The following ILRUN variants were observed in gnomAD, a reference collection of about 807,000 sequenced individuals.
The protein encoded by ILRUN is protein ILRUN.
In ILRUN, 3 loss-of-function variants were observed where a neutral mutation model predicts 33.8. The observed-to-expected ratio is 0.09, with a 90% CI of 0.04 to 0.23. The LOEUF (loss-of-function observed/expected upper bound fraction) is 0.23, where lower values mean the gene tolerates loss of function less well. Among genes scored for constraint, ILRUN ranks in the 10% least tolerant of loss-of-function variants. The pLI, the probability that ILRUN is intolerant of heterozygous loss-of-function variation, is 1.00. For synonymous variants in ILRUN, 124 were observed against 138.9 expected, an observed-to-expected ratio of 0.89 and a Z score of 0.75; for missense variants, 210 against 375.1, an observed-to-expected ratio of 0.56 and a Z score of 3.64.
intron 4 of ILRUN, among the ~76,000 whole-genome samples, chr6:34,599,687 C>A (rs1761469444): frequency 6.6e-6 from 1 of 152,200 alleles, no homozygotes. Context: ...TGACATAACT[C>A]TCAAATTTAT....
intron 1 of ILRUN, among the ~76,000 whole-genome samples, chr6:34,665,216 G>C (rs1762969216): frequency 6.7e-6 from 1 of 148,852 alleles, no homozygotes; most frequent in African/African-American, 2.5e-5. Context: ...AGCACTCTGG[G>C]AGGCTGAGAC....
chr6:34,686,842 G>A (rs1363610314), intron 1 of ILRUN: 1 of 7,016 alleles, frequency 1.4e-4, no homozygotes, highest in Non-Finnish European at 2.5e-4. Flanking sequence ...TGTAGTCCCA[G>A]CTACTCGGGA....
intron 1 of ILRUN, among the ~76,000 whole-genome samples, chr6:34,679,275 C>T (rs748011265): frequency 4.6e-5 from 7 of 151,836 alleles, no homozygotes; most frequent in African/African-American, 7.3e-5. Context: ...TCACTTGTTA[C>T]GGTAATGGCA....
intron 1 of ILRUN, among the ~76,000 whole-genome samples, chr6:34,679,112 C>T (rs1763303155): frequency 6.8e-6 from 1 of 146,488 alleles, no homozygotes; most frequent in Admixed American, 6.9e-5. Context: ...AACAAACCTG[C>T]ACGTGTACCT....
intron 4 of ILRUN, among the ~76,000 whole-genome samples, chr6:34,605,651 AAAAT>A (rs1434931602): frequency 1.3e-5 from 2 of 152,194 alleles, no homozygotes; most frequent in Non-Finnish European, 1.5e-5. Flanking sequence ...AAGTAAAAAT[AAAAT>A]AAAACTACTG....
chr6:34,634,596 T>C (rs1762316881), intron 3 of ILRUN, among the ~76,000 whole-genome samples: 1 of 151,598 alleles, frequency 6.6e-6, no homozygotes, highest in African/African-American at 2.4e-5. Flanking sequence ...ACACAAAATA[T>C]CAAGAATGAA....
intron 3 of ILRUN, among the ~76,000 whole-genome samples, chr6:34,613,825 C>G (rs1427487932): frequency 6.6e-6 from 1 of 152,184 alleles, no homozygotes; most frequent in Non-Finnish European, 1.5e-5. Context: ...ATTTATGACA[C>G]CCCAGTAGCA....
intron 4 of ILRUN, among the ~76,000 whole-genome samples, chr6:34,591,698 C>A (rs1201888283): frequency 6.6e-6 from 1 of 152,084 alleles, no homozygotes; most frequent in Non-Finnish European, 1.5e-5. Context: ...ATCATGTTAG[C>A]CAGGATGGTC....
chr6:34,657,020 T>C, intron 1 of ILRUN, among the ~76,000 whole-genome samples: 1 of 152,214 alleles, frequency 6.6e-6, no homozygotes, highest in Non-Finnish European at 1.5e-5. Flanking sequence ...CTGGTCAAAC[T>C]TGGGGAAATC....
chr6:34,593,529 C>T (rs1744809367), intron 4 of ILRUN, among the ~76,000 whole-genome samples: 1 of 152,228 alleles, frequency 6.6e-6, no homozygotes, highest in African/African-American at 2.4e-5. Context: ...CCCTGGCCTT[C>T]AGACCATTCA....
intron 3 of ILRUN, among the ~76,000 whole-genome samples, chr6:34,626,927 C>T (rs895121545): frequency 6.6e-6 from 1 of 152,044 alleles, no homozygotes; most frequent in African/African-American, 2.4e-5. Context: ...ATTGCTTGAA[C>T]CTGGGAGGCA....
At position 34,589,866 on chromosome 6, in the gene ILRUN, A is replaced by T. The variant is rs558560523; in HGVS notation, c.*699T>A. On this transcript the variant is annotated 3_prime_UTR_variant, in exon 5 of 5. Transcript: ENST00000374023. Reference sequence around the variant, plus strand: ...CCACACAGGGAAGTTTGGTCTTCAGAGAGGTTCTGATGCTAACAAGCCACA... The same window carrying T: ...CCACACAGGGAAGTTTGGTCTTCAGTGAGGTTCTGATGCTAACAAGCCACA... 25 of 152,276 alleles carry T rather than the reference A, an allele frequency of 1.6e-4. No individual in the cohort carries two copies. The highest frequency in any genetic ancestry group is 5.8e-4 in the African/African-American group (24 of 41,558). 9.4% of individuals were successfully genotyped at this position (152,276 alleles called of 1,614,324 possible). A position where few individuals can be genotyped will look rare whatever the true frequency, so the allele number is the denominator to read the frequency against.
At chr6:34,664,864 A>G (rs1273744948) in intron 1 of ILRUN, among the ~76,000 whole-genome samples, 3 of 152,242 alleles carry the variant, frequency 2.0e-5, no homozygotes, top group Non-Finnish European at 4.4e-5. Context: ...ATGCCTTTCA[A>G]AAGTTTGTTA....
chr6:34,691,522 C>T (rs893788013), intron 1 of ILRUN, among the ~76,000 whole-genome samples: 3 of 152,168 alleles, frequency 2.0e-5, no homozygotes, highest in Non-Finnish European at 2.9e-5. Flanking sequence ...AGGCCAGGTG[C>T]GGTGGCCCAC....
At chr6:34,598,366 A>C (rs1206949112) in intron 4 of ILRUN, among the ~76,000 whole-genome samples, 1 of 152,238 alleles carries the variant, frequency 6.6e-6, no homozygotes, top group Non-Finnish European at 1.5e-5. Flanking sequence ...CAATTAAAGC[A>C]GACTTAGCTG....
At chr6:34,595,652 A>T in intron 4 of ILRUN, 1 of 583,592 alleles carries the variant, frequency 1.7e-6, no homozygotes, top group Non-Finnish European at 2.2e-6. Context: ...TTTTTGCATT[A>T]CTCTTTCTGT....
chr6:34,665,426 G>A (rs1316268596), intron 1 of ILRUN, among the ~76,000 whole-genome samples: 5 of 151,900 alleles, frequency 3.3e-5, no homozygotes, highest in South Asian at 2.1e-4. Flanking sequence ...CACTGTGGGC[G>A]ACAAGACGCT....
chr6:34,631,075 T>A (rs952492221), intron 3 of ILRUN, among the ~76,000 whole-genome samples: 4 of 152,198 alleles, frequency 2.6e-5, no homozygotes, highest in African/African-American at 7.2e-5. Context: ...TTATAGTTTT[T>A]AAAAAAATTC....
chr6:34,631,723 C>T lies in ILRUN; in HGVS notation c.511+14878G>A, dbSNP rs149523239. On this transcript the variant is annotated intron_variant, in intron 3 of 4. Coordinates refer to ENST00000374023, the MANE Select transcript of ILRUN (RefSeq NM_024294.4). The stretch of plus-strand genomic sequence containing the variant: ...AGAGAAACAGAAAGAACATTAGTGG[C>T]TGCCAGGGGCTGCAGGAAGGGAGGA... Among the ~76,000 whole-genome samples the T allele has an allele frequency of 5.3e-5, 8 of 152,278 alleles. No individual in the cohort carries two copies. In the East Asian group the frequency reaches 1.5e-3, roughly 29 times the overall value.
Sources: gnomAD v4.1 joint callset for allele counts (sites outside exome capture counted in the v4.1 genomes callset) on GRCh38, gnomAD v4.1.1 for gene constraint, MANE v1.5 for transcripts, NCBI Gene and HGNC (gene_info 2026-07-23, HGNC 2026-07-21) for gene names.